Variants in TBC1D13 observed in about 807,000 individuals in gnomAD.
TBC1D13 encodes the protein TBC1 domain family member 13.
A neutral mutation model predicts 53.6 loss-of-function variants in TBC1D13; 40 were observed. The ratio of observed to expected loss-of-function variants is 0.75; its 90% CI spans 0.58 to 0.97. TBC1D13 has a LOEUF of 0.97. Among genes scored for constraint, TBC1D13 ranks in the 50% least tolerant of loss-of-function variants. The pLI, the probability that TBC1D13 is intolerant of heterozygous loss-of-function variation, is 0.00. For synonymous variants in TBC1D13, 182 were observed against 197.7 expected, an observed-to-expected ratio of 0.92 and a Z score of 0.67; for missense variants, 377 against 499.4, an observed-to-expected ratio of 0.75 and a Z score of 2.34.
At chr9:128,792,977 G>C (rs1829562278) in intron 6 of TBC1D13, among the ~76,000 whole-genome samples, 2 of 152,238 alleles carry the variant, frequency 1.3e-5, no homozygotes, top group Non-Finnish European at 2.9e-5. Context: ...CAGCCCATTA[G>C]ATCTTAGCAG....
chr9:128,803,447 T>A lies in TBC1D13; in HGVS notation c.741T>A (p.Asn247Lys). 1.9e-6 allele frequency: 3 copies of A among 1,613,930 alleles called. No homozygotes were observed. Among genetic ancestry groups the A allele is most frequent in the Non-Finnish European group, 2.5e-6 (3 of 1,179,960 alleles). ...ACTACACCTTTGCCACCGACCCCAA[T>A]AGTGAGTGGAAAGGTAAGAAGGCTC... The part of the protein sequence containing the change: ...PLYYTFATDP[N>K]SEWKEHAEAD... The change falls in exon 8 of 12, where the codon AAT becomes AAA. Residue 247 changes from asparagine to lysine, a missense_variant. By Grantham distance (94) the Asn-to-Lys change is moderately conservative. Transcript: ENST00000372648.
At chr9:128,800,100 A>G (rs1368322371) in intron 7 of TBC1D13, among the ~76,000 whole-genome samples, 1 of 152,234 alleles carries the variant, frequency 6.6e-6, no homozygotes, top group Non-Finnish European at 1.5e-5. Context: ...ATGTGTGCGC[A>G]TACATATGTA....
At chr9:128,799,741 A>AG (rs1465224102) in intron 7 of TBC1D13, among the ~76,000 whole-genome samples, 1 of 152,208 alleles carries the variant, frequency 6.6e-6, no homozygotes, top group Non-Finnish European at 1.5e-5. Context: ...GCTCTTGTTA[A>AG]GGGCCAGGCG....
intron 2 of TBC1D13, among the ~76,000 whole-genome samples, chr9:128,788,722 T>C (rs938189977): frequency 5.4e-4 from 7 of 12,864 alleles, no homozygotes; most frequent in South Asian, 1.9e-3. Context: ...AGAATGAGAG[T>C]TGGGACCTTT....
rs917936709 is a variant in TBC1D13 at position 128,809,947 on chromosome 9, G to A, written c.*2068G>A. 1 of 152,530 alleles carries A rather than the reference G, an allele frequency of 6.6e-6. No homozygotes were observed. Among genetic ancestry groups the A allele is most frequent in the Non-Finnish European group, 1.5e-5 (1 of 68,344 alleles). 9.4% of individuals were successfully genotyped at this position (152,530 alleles called of 1,614,324 possible). Reference sequence around the variant, plus strand: ...AACCCCTTCATAAGCTTGGGCCACTGCCTGGGACCCAGCAGACACTGCCCA... The same window carrying A: ...AACCCCTTCATAAGCTTGGGCCACTACCTGGGACCCAGCAGACACTGCCCA... On this transcript the variant is annotated 3_prime_UTR_variant, in exon 12 of 12. Transcript: ENST00000372648.
chr9:128,808,025 A>G lies in TBC1D13; in HGVS notation c.*146A>G, dbSNP rs1589579057. ...CCCAGGCCATGCCCACTGGGGACAC[A>G]CTGTGCCGTGCTCCTTCTGCCGCCA... On this transcript the variant is annotated 3_prime_UTR_variant, in exon 12 of 12. Transcript: ENST00000372648. The G allele has an allele frequency of 1.4e-6, 1 of 729,574 alleles. No individual in the cohort carries two copies. The allele number at this position is 729,574 out of a possible 1,614,324, so 45.2% of individuals were successfully genotyped here. A position where few individuals can be genotyped will look rare whatever the true frequency, so the allele number is the denominator to read the frequency against.
intron 1 of TBC1D13, 119 bp from the exon 2 acceptor site, chr9:128,788,215 A>G (rs1589563777): frequency 1.2e-6 from 1 of 801,740 alleles, no homozygotes; most frequent in Non-Finnish European, 2.1e-6. Flanking sequence ...TGTGATTTTT[A>G]TGTCCTAAAG....
chr9:128,790,756 T>G lies in TBC1D13; in HGVS notation c.119T>G (p.Leu40Arg). 2 of 1,553,812 alleles carry G rather than the reference T, an allele frequency of 1.3e-6. No individual in the cohort carries two copies. Among genetic ancestry groups the G allele is most frequent in the Non-Finnish European group, 1.7e-6 (2 of 1,159,386 alleles). The change falls in exon 3 of 12, where the codon CTG (leucine) becomes CGG (arginine). Residue 40 changes from leucine to arginine, a missense_variant. By Grantham distance (102) the Leu-to-Arg change is moderately radical (BLOSUM62 -2). Coordinates refer to ENST00000372648, the MANE Select transcript of TBC1D13 (RefSeq NM_018201.5). ...SFSGIPCEGGLRCLCWKILLN... is the reference protein window; with the variant it reads ...SFSGIPCEGGRRCLCWKILLN... ...ACAGGCATCCCCTGTGAGGGCGGAC[T>G]GCGGTGCCTCTGCTGGAAGGTGGGT...
At chr9:128,796,250 TAA>T (rs968477168) in intron 6 of TBC1D13, among the ~76,000 whole-genome samples, 3 of 151,560 alleles carry the variant, frequency 2.0e-5, no homozygotes, top group Non-Finnish European at 4.4e-5. Context: ...TGCGCCTGGC[TAA>T]TTTTTTTTTT....
In TBC1D13 at chr9:128,791,695, T is replaced by C; in HGVS notation, c.300+2T>C. ...GAGGATGTGACTTTTGAGGACCATG[T>C]GAGTAGAGGTTGACAGCGGAGACCC... On this transcript the variant is annotated splice_donor_variant, in intron 5 of 11. Coordinates refer to ENST00000372648, the MANE Select transcript of TBC1D13 (RefSeq NM_018201.5). LOFTEE classifies it high-confidence loss of function. 2 of 1,613,586 alleles carry C rather than the reference T, an allele frequency of 1.2e-6. No homozygotes were observed. The highest frequency in any genetic ancestry group is 1.7e-6 in the Non-Finnish European group (2 of 1,179,578).
rs376635180 is a variant in TBC1D13 at position 128,805,966 on chromosome 9, C to T, written c.1026C>T (p.Phe342=). The T allele has an allele frequency of 2.5e-5, 40 of 1,614,132 alleles. No homozygotes were observed. The highest frequency in any genetic ancestry group is 1.6e-4 in the Middle Eastern group (1 of 6,084). Reference sequence around the variant, plus strand: ...TCATCCGCATCTGGGACTCCCTCTTCGCCGATGACAACCGCTTTGACTTCC... The same window carrying T: ...TCATCCGCATCTGGGACTCCCTCTTTGCCGATGACAACCGCTTTGACTTCC... ...PDVIRIWDSL[F]ADDNRFDFLL... is the part of the protein sequence containing the mutation. Residue 342 remains phenylalanine (F), a synonymous_variant, in exon 10 of 12, where the codon TTC becomes TTT. Coordinates refer to ENST00000372648, the MANE Select transcript of TBC1D13 (RefSeq NM_018201.5).
intron 9 of TBC1D13, 74 bp downstream of exon 9, chr9:128,804,193 G>A (rs921575336): frequency 2.1e-5 from 33 of 1,551,378 alleles, no homozygotes; most frequent in Middle Eastern, 2.2e-4. Context: ...AGCCCAGGGC[G>A]AGGTCTCGCT....
chr9:128,807,442 A>G (rs1829856442), intron 11 of TBC1D13, among the ~76,000 whole-genome samples: 1 of 152,170 alleles, frequency 6.6e-6, no homozygotes, highest in Non-Finnish European at 1.5e-5. Context: ...GCAGAATCAC[A>G]GTGGCCACTC....
rs3138859 is a variant in TBC1D13 at position 128,808,408 on chromosome 9, CGTGTGTGTGTGTGTGT to C, written c.*562_*577del. The stretch of plus-strand genomic sequence containing the variant: ...GGCCCAAGTCCCCAGGCATCTTCTC[CGTGTGTGTGTGTGTGT>C]GTGTGTGTGTGTGTGTGTGTGTGTG... On this transcript the variant is annotated 3_prime_UTR_variant, in exon 12 of 12. Transcript: ENST00000372648. 3.1e-3 allele frequency: 374 copies of C among 121,796 alleles called. 2 individuals carry two copies. The highest frequency in any genetic ancestry group is 0.012 in the African/African-American group (315 of 26,266). 7.5% of individuals were successfully genotyped at this position (121,796 alleles called of 1,614,324 possible).
At chr9:128,796,407 G>A (rs1336419493) in intron 6 of TBC1D13, among the ~76,000 whole-genome samples, 5 of 152,036 alleles carry the variant, frequency 3.3e-5, no homozygotes, top group East Asian at 3.9e-4. Flanking sequence ...GCACCACCAC[G>A]CCCGGGTAAT....
chr9:128,802,629 G>C (rs977041989), intron 7 of TBC1D13, among the ~76,000 whole-genome samples: 1 of 152,086 alleles, frequency 6.6e-6, no homozygotes, highest in Admixed American at 6.6e-5. Flanking sequence ...GGTGGCGTTT[G>C]ACTTGTTCCT....
chr9:128,789,106 G>A (rs928222731), intron 2 of TBC1D13, among the ~76,000 whole-genome samples: 3 of 152,032 alleles, frequency 2.0e-5, no homozygotes, highest in Admixed American at 6.6e-5. Flanking sequence ...TGGATCACCT[G>A]AGGTCAGGAG....
Position 128,807,736 on chromosome 9 carries a change from G to A in TBC1D13, c.1138-78G>A, listed in dbSNP as rs1829863478. The A allele has an allele frequency of 3.4e-6, 5 of 1,471,416 alleles. No individual in the cohort carries two copies. The South Asian group carries it at 4.5e-5, about 13-fold the overall frequency. The allele number at this position is 1,471,416 out of a possible 1,614,324, so 91.1% of individuals were successfully genotyped here. A position where few individuals can be genotyped will look rare whatever the true frequency, so the allele number is the denominator to read the frequency against. ...AGGCCCAGGATCCAGCATGGCAACG[G>A]GTCCCAGCAGGGAGGGTGTGGGTGT... On this transcript the variant is annotated intron_variant, in intron 11 of 11. Transcript: ENST00000372648.
chr9:128,809,489 C>T lies in TBC1D13; in HGVS notation c.*1610C>T, dbSNP rs1249463530. The T allele has an allele frequency of 6.6e-6, 1 of 152,222 alleles. No individual in the cohort carries two copies. The highest frequency in any genetic ancestry group is 2.4e-5 in the African/African-American group (1 of 41,458). The allele number at this position is 152,222 out of a possible 1,614,324, so 9.4% of individuals were successfully genotyped here. On this transcript the variant is annotated 3_prime_UTR_variant, in exon 12 of 12. Transcript: ENST00000372648. ...GGCTTTGGGCCAGGAAAGGCTTCCC[C>T]AGGTGGCTCTTCTACCAGGCTTTTC...
Sources: allele counts gnomAD v4.1 joint callset (sites outside exome capture counted in the v4.1 genomes callset), GRCh38; gene constraint gnomAD v4.1.1; transcripts MANE v1.5; gene names NCBI Gene and HGNC (gene_info 2026-07-23, HGNC 2026-07-21).